The following ANKRD11 variants were observed in gnomAD, a reference collection of about 807,000 sequenced individuals.
ANKRD11 encodes ankyrin repeat domain-containing protein 11.
In ANKRD11, 17 loss-of-function variants were observed where a neutral mutation model predicts 195.7. That is an observed-to-expected ratio of 0.09 (90% CI 0.06 to 0.13). The LOEUF is 0.13. Among genes scored for constraint, ANKRD11 ranks in the 10% least tolerant of loss-of-function variants. The pLI, the probability that ANKRD11 is intolerant of heterozygous loss-of-function variation, is 1.00. For missense variants in ANKRD11, 3,735 were observed against 3,566.1 expected, an observed-to-expected ratio of 1.05 and a Z score of -1.21; for synonymous variants, 1,953 against 1,528.1, an observed-to-expected ratio of 1.28 and a Z score of -6.49.
intron 2 of ANKRD11, among the ~76,000 whole-genome samples, chr16:89,327,606 A>T (rs1450407455): frequency 6.6e-6 from 1 of 152,236 alleles, no homozygotes; most frequent in Non-Finnish European, 1.5e-5. Flanking sequence ...AGACAGTACC[A>T]TCCTATTTCT....
chr16:89,288,185 G>T, intron 7 of ANKRD11: 1 of 608,768 alleles, frequency 1.6e-6, no homozygotes, highest in Non-Finnish European at 2.9e-6. Flanking sequence ...AGGTCTAACA[G>T]TCCCACAGTG....
At chr16:89,465,183 A>G (rs1006665865) in intron 1 of ANKRD11, among the ~76,000 whole-genome samples, 5 of 152,234 alleles carry the variant, frequency 3.3e-5, no homozygotes, top group Admixed American at 6.5e-5. Flanking sequence ...TGCGGCCACA[A>G]GGTCTAACTG....
intron 1 of ANKRD11, among the ~76,000 whole-genome samples, chr16:89,459,932 C>T (rs2056592484): frequency 6.7e-6 from 1 of 148,932 alleles, no homozygotes; most frequent in South Asian, 2.1e-4. Flanking sequence ...GACCCTGTAT[C>T]CAAAAAAAAA....
At chr16:89,353,077 C>T (rs183240556) in intron 2 of ANKRD11, among the ~76,000 whole-genome samples, 3 of 152,316 alleles carry the variant, frequency 2.0e-5, no homozygotes, top group Admixed American at 6.5e-5. Context: ...CGGTGGCTCA[C>T]GCCTGTAATT....
At chr16:89,453,409 G>A (rs958964821) in intron 1 of ANKRD11, among the ~76,000 whole-genome samples, 9 of 152,120 alleles carry the variant, frequency 5.9e-5, no homozygotes, top group Non-Finnish European at 1.3e-4. Context: ...ATTTCTAATA[G>A]GAATTTCAAC....
chr16:89,441,618 T>G (rs1022881359), intron 1 of ANKRD11, among the ~76,000 whole-genome samples: 1 of 151,434 alleles, frequency 6.6e-6, no homozygotes, highest in Non-Finnish European at 1.5e-5. Flanking sequence ...ATACAAAAAA[T>G]TAGCTGGGTG....
At position 89,286,201 on chromosome 16, in the gene ANKRD11, C is replaced by T. The variant is rs778023026; in HGVS notation, c.745-15G>A. On this transcript the variant is annotated splice_polypyrimidine_tract_variant and intron_variant, in intron 7 of 12. Coordinates refer to ENST00000301030, the MANE Select transcript of ANKRD11 (RefSeq NM_013275.6). ...AGCTTCACCACCTACAAGACAGTAA[C>T]ACCCGCGTCAGGGACTGCTGGAGAA... The T allele has an allele frequency of 6.2e-7, 1 of 1,611,954 alleles. No homozygotes were observed. The highest frequency in any genetic ancestry group is 2.2e-5 in the East Asian group (1 of 44,900).
chr16:89,375,623 T>G (rs2040391418), intron 2 of ANKRD11, among the ~76,000 whole-genome samples: 1 of 151,970 alleles, frequency 6.6e-6, no homozygotes, highest in Non-Finnish European at 1.5e-5. Context: ...CCAGTTAATT[T>G]TTAAATTTTT....
At chr16:89,306,645 ACGCACCAC>A (rs2036271788) in intron 3 of ANKRD11, among the ~76,000 whole-genome samples, 1 of 102,592 alleles carries the variant, frequency 9.7e-6, no homozygotes, top group African/African-American at 4.3e-5. Flanking sequence ...CTCCGCAGAC[ACGCACCAC>A]CTCCCACTGT....
intron 3 of ANKRD11, among the ~76,000 whole-genome samples, chr16:89,309,554 G>A (rs574235271): frequency 1.9e-4 from 29 of 152,302 alleles, no homozygotes; most frequent in Admixed American, 7.2e-4. Flanking sequence ...AACGAGCTGC[G>A]CAAGGAAAAG....
chr16:89,401,509 T>C (rs907404762), intron 2 of ANKRD11, among the ~76,000 whole-genome samples: 2 of 152,224 alleles, frequency 1.3e-5, no homozygotes, highest in African/African-American at 4.8e-5. Flanking sequence ...GTACATGATA[T>C]ATTCAACATT....
intron 2 of ANKRD11, chr16:89,323,690 T>C (rs1416240676): frequency 6.6e-6 from 2 of 302,524 alleles, no homozygotes; most frequent in East Asian, 1.2e-4. Context: ...TCAGCGTCTC[T>C]GTCCAGCCTC....
chr16:89,463,762 C>G (rs2056785001), intron 1 of ANKRD11, among the ~76,000 whole-genome samples: 2 of 151,810 alleles, frequency 1.3e-5, no homozygotes. Context: ...TTGTCTAGTT[C>G]ACATTTAATT....
chr16:89,336,308 G>C (rs1297948021), intron 2 of ANKRD11, among the ~76,000 whole-genome samples: 2 of 152,214 alleles, frequency 1.3e-5, no homozygotes, highest in Non-Finnish European at 2.9e-5. Context: ...ATGCACACAC[G>C]CCAGGGCACG....
rs1477991988 is a variant in ANKRD11 at position 89,411,379 on chromosome 16, C to CA, written c.-60+6904dup. Among the ~76,000 whole-genome samples the CA allele has an allele frequency of 6.6e-5, 10 of 152,378 alleles. No homozygotes were observed. In the South Asian group the frequency reaches 2.1e-3, roughly 32 times the overall value. ...GAGGAGCAGGCTGCCCTGGCTGGGC[C>CA]AGACGCTACACATCTTGCTGTCGAG... On this transcript the variant is annotated intron_variant, in intron 2 of 12. Coordinates refer to ENST00000301030, the MANE Select transcript of ANKRD11 (RefSeq NM_013275.6).
At chr16:89,344,011 T>C (rs959469937) in intron 2 of ANKRD11, among the ~76,000 whole-genome samples, 5 of 152,030 alleles carry the variant, frequency 3.3e-5, no homozygotes, top group Non-Finnish European at 7.4e-5. Context: ...GACATAAATA[T>C]CGGTGCAGGC....
intron 4 of ANKRD11, among the ~76,000 whole-genome samples, chr16:89,293,076 C>T (rs1027043354): frequency 3.9e-5 from 6 of 152,208 alleles, no homozygotes; most frequent in African/African-American, 1.4e-4. Context: ...AGCAGCTGGT[C>T]TGCCCACAGT....
chr16:89,397,253 G>A (rs1294889649), intron 2 of ANKRD11, among the ~76,000 whole-genome samples: 2 of 152,194 alleles, frequency 1.3e-5, no homozygotes, highest in Non-Finnish European at 2.9e-5. Context: ...CAGCCATCAA[G>A]GCATCCACCT....
intron 2 of ANKRD11, among the ~76,000 whole-genome samples, chr16:89,408,485 C>T (rs546786346): frequency 1.3e-5 from 2 of 152,360 alleles, no homozygotes; most frequent in African/African-American, 4.8e-5. Flanking sequence ...AGTGGCCGAC[C>T]CAGATTCCCT....
Sources: allele counts gnomAD v4.1 joint callset (sites outside exome capture counted in the v4.1 genomes callset), GRCh38; gene constraint gnomAD v4.1.1; transcripts MANE v1.5; gene names NCBI Gene and HGNC (gene_info 2026-07-23, HGNC 2026-07-21).